The following MAD1L1 variants were observed in gnomAD, a reference collection of about 807,000 sequenced individuals.
The protein encoded by MAD1L1 is mitotic arrest deficient 1 like 1, also known as mitotic spindle assembly checkpoint protein MAD1.
Under a neutral mutation model 96.9 loss-of-function variants are expected in MAD1L1, and 95 were observed. The observed-to-expected ratio is 0.98, with a 90% CI of 0.83 to 1.16. MAD1L1 has a LOEUF of 1.16. Among genes scored for constraint, MAD1L1 ranks in the 50% most tolerant of loss-of-function variants. The probability of loss-of-function intolerance (pLI) is 0.00; values close to 1 mark genes in which losing one functional copy is unlikely to be tolerated. For synonymous variants in MAD1L1, 473 were observed against 396.6 expected (o/e 1.19, Z -2.29); for missense variants, 1,007 against 954.4 (o/e 1.06, Z -0.73).
chr7:2,132,920 A>C (rs1172116429), intron 11 of MAD1L1, among the ~76,000 whole-genome samples: 1 of 152,254 alleles, frequency 6.6e-6, no homozygotes, highest in Non-Finnish European at 1.5e-5. Flanking sequence ...ATGACGGCTC[A>C]TGCTGAAGAG....
chr7:1,822,051 G>A (rs189061541), intron 18 of MAD1L1, among the ~76,000 whole-genome samples: 122 of 152,122 alleles, frequency 8.0e-4, no homozygotes, highest in Middle Eastern at 3.4e-3. Context: ...CTAGAATGAC[G>A]TGACGGCCCA....
intron 17 of MAD1L1, among the ~76,000 whole-genome samples, chr7:1,902,419 G>A (rs751572333): frequency 2.4e-4 from 37 of 152,220 alleles, no homozygotes; most frequent in Non-Finnish European, 2.9e-4. Context: ...CACGGGGATA[G>A]GGACAGAGAT....
At chr7:2,160,515 A>C (rs1285183492) in intron 10 of MAD1L1, among the ~76,000 whole-genome samples, 2 of 148,178 alleles carry the variant, frequency 1.3e-5, no homozygotes. Context: ...CTGTACTTTT[A>C]GTAAAGACGG....
At chr7:2,056,600 A>C (rs1784398235) in intron 12 of MAD1L1, among the ~76,000 whole-genome samples, 1 of 152,158 alleles carries the variant, frequency 6.6e-6, no homozygotes, top group South Asian at 2.1e-4. Flanking sequence ...TACCCACGTG[A>C]GCGAGGGCGG....
chr7:2,104,313 G>C (rs962614386), intron 11 of MAD1L1, among the ~76,000 whole-genome samples: 1 of 152,260 alleles, frequency 6.6e-6, no homozygotes, highest in Non-Finnish European at 1.5e-5. Flanking sequence ...GCCCCGGAGA[G>C]AAAACACAGG....
intron 18 of MAD1L1, among the ~76,000 whole-genome samples, chr7:1,854,903 G>A (rs904892428): frequency 6.6e-6 from 1 of 152,244 alleles, no homozygotes; most frequent in Non-Finnish European, 1.5e-5. Flanking sequence ...ACCCCGAGGG[G>A]CAAGTCCCGT....
At chr7:2,053,114 C>T (rs1050261457) in intron 12 of MAD1L1, among the ~76,000 whole-genome samples, 1 of 152,230 alleles carries the variant, frequency 6.6e-6, no homozygotes, top group South Asian at 2.1e-4. Flanking sequence ...ACACGTCTTG[C>T]GACTTTGGTT....
At chr7:2,049,432 C>A (rs575203240) in intron 12 of MAD1L1, among the ~76,000 whole-genome samples, 1 of 152,348 alleles carries the variant, frequency 6.6e-6, no homozygotes, top group Admixed American at 6.5e-5. Context: ...GTGGCTCATG[C>A]CCACCATGGG....
chr7:2,213,092 C>A, intron 10 of MAD1L1, 120 bp downstream of exon 10: 1 of 1,035,288 alleles, frequency 9.7e-7, no homozygotes, highest in Non-Finnish European at 1.5e-6. Context: ...GACAAATGCC[C>A]CGCACCAGCC....
chr7:1,992,333 C>T (rs567136145), intron 14 of MAD1L1, among the ~76,000 whole-genome samples: 1 of 152,370 alleles, frequency 6.6e-6, no homozygotes, highest in Admixed American at 6.5e-5. Context: ...AGAACCTTCA[C>T]TGGGATCAAT....
chr7:1,897,506 G>A (rs989951328), intron 18 of MAD1L1, among the ~76,000 whole-genome samples: 4 of 152,248 alleles, frequency 2.6e-5, no homozygotes, highest in African/African-American at 7.2e-5. Flanking sequence ...CACCGGGGCA[G>A]TGATGAACAA....
rs1236576163 is a variant in MAD1L1, at chr7:2,142,514, C to T, written c.1073+6638G>A. On this transcript the variant is annotated intron_variant, in intron 11 of 18. Coordinates refer to ENST00000265854, the MANE Select transcript of MAD1L1 (RefSeq NM_001013836.2). The surrounding 1 kb of genome is among the most constrained non-coding windows in gnomAD (Gnocchi z 4.7). ...ACAGATCACGCGGGTTCTCTGCTGC[C>T]GGACGGAGCGCCCCTAGCTGCCACT... Among the ~76,000 whole-genome samples, 5 of 152,148 alleles carry T rather than the reference C, an allele frequency of 3.3e-5. No homozygotes were observed. Among genetic ancestry groups the T allele is most frequent in the Admixed American group, 1.3e-4 (2 of 15,252 alleles).
At chr7:2,059,842 G>T (rs1255867596) in intron 12 of MAD1L1, among the ~76,000 whole-genome samples, 1 of 152,122 alleles carries the variant, frequency 6.6e-6, no homozygotes, top group Non-Finnish European at 1.5e-5. Flanking sequence ...ACATCCACAG[G>T]CCAGGAACAC....
intron 10 of MAD1L1, among the ~76,000 whole-genome samples, chr7:2,169,431 G>A (rs1790599643): frequency 6.6e-6 from 1 of 152,128 alleles, no homozygotes. Context: ...AGGAAAAAAA[G>A]TATTTAGGAA....
At chr7:1,964,537 T>C (rs1780081185) in intron 15 of MAD1L1, among the ~76,000 whole-genome samples, 1 of 152,218 alleles carries the variant, frequency 6.6e-6, no homozygotes, top group Non-Finnish European at 1.5e-5. Flanking sequence ...GTTGGGGGGA[T>C]GGTGCTCAAA....
intron 10 of MAD1L1, among the ~76,000 whole-genome samples, chr7:2,206,876 G>A (rs1051841702): frequency 6.6e-6 from 1 of 152,136 alleles, no homozygotes; most frequent in African/African-American, 2.4e-5. Flanking sequence ...GAGGTCAGGA[G>A]TTCAAGACCA....
At chr7:2,198,004 C>T (rs1436754734) in intron 10 of MAD1L1, among the ~76,000 whole-genome samples, 1 of 152,098 alleles carries the variant, frequency 6.6e-6, no homozygotes, top group Non-Finnish European at 1.5e-5. Flanking sequence ...GGCCTGGGAA[C>T]AGGCCCAGGA....
chr7:1,816,196 T>G lies in MAD1L1; in HGVS notation c.2031A>C (p.Leu677=), dbSNP rs377575668. The part of the protein sequence containing the change: ...ATSPSGSKMQ[L]LETEFSHTVG... ...CGGTGTGTGAGAACTCTGTCTCCAGTAGCTGCATCTTGGAACCCGAGGGGC... is the reference window on the plus strand; with the variant it reads ...CGGTGTGTGAGAACTCTGTCTCCAGGAGCTGCATCTTGGAACCCGAGGGGC... Residue 677 remains leucine (L), a synonymous_variant, in exon 19 of 19, where the codon CTA becomes CTC. Transcript: ENST00000265854. 3.4e-5 allele frequency: 55 copies of G among 1,613,276 alleles called. No individual in the cohort carries two copies. Among genetic ancestry groups the G allele is most frequent in the Non-Finnish European group, 4.3e-5 (51 of 1,179,784 alleles).
intron 11 of MAD1L1, among the ~76,000 whole-genome samples, chr7:2,083,603 G>A (rs1004105209): frequency 3.3e-5 from 5 of 152,212 alleles, no homozygotes; most frequent in South Asian, 2.1e-4. Context: ...GACTCCAGAC[G>A]TAACAGACTG....
Sources: allele counts gnomAD v4.1 joint callset (sites outside exome capture counted in the v4.1 genomes callset), GRCh38; gene constraint gnomAD v4.1.1; non-coding constraint Gnocchi (gnomAD v3.1); transcripts MANE v1.5; gene names NCBI Gene and HGNC (gene_info 2026-07-23, HGNC 2026-07-21).